Variants in MECOM observed in about 807,000 individuals in gnomAD.
MECOM encodes the protein MDS1 and EVI1 complex locus.
A neutral mutation model predicts 116.3 loss-of-function variants in MECOM; 13 were observed. The ratio of observed to expected loss-of-function variants is 0.11; its 90% CI spans 0.07 to 0.18. The LOEUF (loss-of-function observed/expected upper bound fraction) is 0.18. Among genes scored for constraint, MECOM ranks in the 10% least tolerant of loss-of-function variants. The pLI is 1.00. For synonymous variants in MECOM, 528 were observed against 535.2 expected, an observed-to-expected ratio of 0.99 and a Z score of 0.19; for missense variants, 1,299 against 1,509.0, an observed-to-expected ratio of 0.86 and a Z score of 2.31.
At chr3:169,312,760 A>G (rs1157540838) in intron 2 of MECOM, among the ~76,000 whole-genome samples, 1 of 152,178 alleles carries the variant, frequency 6.6e-6, no homozygotes, top group Non-Finnish European at 1.5e-5. Flanking sequence ...AGGAAAAACC[A>G]AAAGTTCAGT....
At chr3:169,594,154 C>CAAAAAAAAAAAAAAAAA (rs34331048) in intron 1 of MECOM, among the ~76,000 whole-genome samples, 6 of 45,714 alleles carry the variant, frequency 1.3e-4, no homozygotes, top group Admixed American at 4.2e-4. Flanking sequence ...ACCACCACCA[C>CAAAAAAAAAAAAAAAAA]AAAAAAAAAA....
intron 2 of MECOM, among the ~76,000 whole-genome samples, chr3:169,331,402 T>C (rs984942241): frequency 1.3e-5 from 2 of 152,138 alleles, no homozygotes; most frequent in Non-Finnish European, 2.9e-5. Flanking sequence ...TCTAATGTTA[T>C]ATATAAAGAT....
chr3:169,483,774 T>C, intron 1 of MECOM: 1 of 1,610,940 alleles, frequency 6.2e-7, no homozygotes, highest in Non-Finnish European at 8.5e-7. Context: ...GTCACGTAGA[T>C]TATTCTTCTT....
intron 3 of MECOM, among the ~76,000 whole-genome samples, chr3:169,136,980 A>G (rs1736551083): frequency 6.6e-6 from 1 of 152,256 alleles, no homozygotes; most frequent in East Asian, 1.9e-4. Context: ...AATAATTGAA[A>G]TAATAGAGAA....
At chr3:169,624,443 A>C (rs571110197) in intron 1 of MECOM, among the ~76,000 whole-genome samples, 1 of 152,302 alleles carries the variant, frequency 6.6e-6, no homozygotes, top group African/African-American at 2.4e-5. Flanking sequence ...ACACTGGCTG[A>C]AAATCCCCTA....
At chr3:169,260,581 T>C (rs1162289556) in intron 2 of MECOM, among the ~76,000 whole-genome samples, 1 of 152,210 alleles carries the variant, frequency 6.6e-6, no homozygotes, top group Non-Finnish European at 1.5e-5. Flanking sequence ...GTAGCCTTTA[T>C]GGCAAAGAAC....
At chr3:169,147,534 G>A (rs1740277521) in intron 2 of MECOM, 1 of 985,364 alleles carries the variant, frequency 1.0e-6, no homozygotes, top group African/African-American at 1.7e-5. Flanking sequence ...CCTCTGGCGG[G>A]AGAGGTCACA....
chr3:169,273,118 T>C (rs1336511248), intron 2 of MECOM, among the ~76,000 whole-genome samples: 1 of 152,148 alleles, frequency 6.6e-6, no homozygotes, highest in African/African-American at 2.4e-5. Flanking sequence ...AATGCATGCA[T>C]GAGTTGGTCG....
chr3:169,210,539 C>A (rs1750578130), intron 2 of MECOM, among the ~76,000 whole-genome samples: 1 of 152,052 alleles, frequency 6.6e-6, no homozygotes, highest in South Asian at 2.1e-4. Flanking sequence ...TAATCAAGAT[C>A]TTGCAAATGT....
intron 1 of MECOM, among the ~76,000 whole-genome samples, chr3:169,500,848 A>T (rs1233843713): frequency 6.6e-6 from 1 of 152,016 alleles, no homozygotes; most frequent in Non-Finnish European, 1.5e-5. Context: ...GCTAAATCTG[A>T]TTATATAAAC....
chr3:169,563,411 T>C (rs1286439274), intron 1 of MECOM, among the ~76,000 whole-genome samples: 1 of 152,230 alleles, frequency 6.6e-6, no homozygotes, highest in African/African-American at 2.4e-5. Flanking sequence ...ATAGAAAACT[T>C]TGATATTGAC....
At chr3:169,444,363 A>C (rs1227827369) in intron 1 of MECOM, among the ~76,000 whole-genome samples, 1 of 152,146 alleles carries the variant, frequency 6.6e-6, no homozygotes, top group East Asian at 1.9e-4. Context: ...CAGAATTCCC[A>C]CGCATTGTCC....
intron 2 of MECOM, chr3:169,145,245 G>C (rs1454295203): frequency 4.2e-6 from 2 of 480,164 alleles, no homozygotes; most frequent in African/African-American, 3.9e-5. Flanking sequence ...AACAACGACA[G>C]AAGTGTACAC....
chr3:169,317,556 ATTAC>A (rs1346585196), intron 2 of MECOM, among the ~76,000 whole-genome samples: 1 of 152,166 alleles, frequency 6.6e-6, no homozygotes, highest in African/African-American at 2.4e-5. Context: ...CCAGAGTATA[ATTAC>A]TTCAAGAAAC....
chr3:169,193,694 G>A (rs1748020440), intron 2 of MECOM, among the ~76,000 whole-genome samples: 3 of 151,818 alleles, frequency 2.0e-5, no homozygotes, highest in Non-Finnish European at 4.4e-5. Flanking sequence ...GGATGACATG[G>A]CTAAAAAGCT....
chr3:169,553,295 A>G (rs184693110), intron 1 of MECOM, among the ~76,000 whole-genome samples: 227 of 152,314 alleles, frequency 1.5e-3, no homozygotes, highest in African/African-American at 5.3e-3. Context: ...AGAAGGGGAT[A>G]ATAAGCAAAT....
At chr3:169,426,475 C>T (rs1184141472) in intron 1 of MECOM, among the ~76,000 whole-genome samples, 1 of 152,158 alleles carries the variant, frequency 6.6e-6, no homozygotes, top group Non-Finnish European at 1.5e-5. Flanking sequence ...CAAATGGCAT[C>T]GCTGTGCTCA....
chr3:169,445,636 G>A (rs748513904), intron 1 of MECOM, among the ~76,000 whole-genome samples: 7 of 152,168 alleles, frequency 4.6e-5, no homozygotes, highest in Non-Finnish European at 1.0e-4. Context: ...ACACTTTCTA[G>A]TGGAGCTGTG....
intron 2 of MECOM, among the ~76,000 whole-genome samples, chr3:169,344,914 A>C (rs1466649851): frequency 3.3e-5 from 5 of 152,188 alleles, no homozygotes. Context: ...ATAGTTTGCT[A>C]CTGATCTGCT....
Sources: allele counts gnomAD v4.1 joint callset (sites outside exome capture counted in the v4.1 genomes callset), GRCh38; gene constraint gnomAD v4.1.1; transcripts MANE v1.5; gene names NCBI Gene and HGNC (gene_info 2026-07-23, HGNC 2026-07-21).